MYOM1: variants seen among roughly 807,000 people sequenced by gnomAD.
MYOM1 encodes myomesin 1.
A neutral mutation model predicts 205.3 loss-of-function variants in MYOM1; 164 were observed. The observed-to-expected ratio is 0.80, with a 90% CI of 0.70 to 0.91. MYOM1 has a LOEUF of 0.91. Ranked by LOEUF, MYOM1 falls within the 40% of genes least tolerant of loss-of-function variation. The probability of loss-of-function intolerance (pLI) is 0.00; values close to 1 mark genes in which losing one functional copy is unlikely to be tolerated. For synonymous variants in MYOM1, 772 were observed against 789.4 expected (o/e 0.98, Z 0.37); for missense variants, 2,011 against 2,127.3 (o/e 0.95, Z 1.08).
the MYOM1 span, among the ~76,000 whole-genome samples, chr18:3,231,314 A>G: frequency 6.6e-6 from 1 of 152,220 alleles, no homozygotes; most frequent in Admixed American, 6.5e-5. Context: ...GAATCAGATG[A>G]GCCACAGCAT....
the MYOM1 span, among the ~76,000 whole-genome samples, chr18:3,226,944 C>T: frequency 4.6e-5 from 7 of 152,194 alleles, no homozygotes; most frequent in Non-Finnish European, 4.4e-5. This position sits in a 1 kb window ranked among gnomAD's most constrained non-coding sequence, Gnocchi z 4.6. Context: ...CCCTCTTAAC[C>T]TGCGTGTGAG....
At chr18:3,165,038 C>T (rs1054944388) in intron 9 of MYOM1, among the ~76,000 whole-genome samples, 1 of 152,110 alleles carries the variant, frequency 6.6e-6, no homozygotes, top group Non-Finnish European at 1.5e-5. Flanking sequence ...GACCTTTCTG[C>T]TGATGTAACT....
chr18:3,075,580 T>A (rs1317525197), intron 35 of MYOM1, 104 bp from the exon 36 acceptor site: 1 of 1,444,570 alleles, frequency 6.9e-7, no homozygotes, highest in African/African-American at 1.4e-5. Context: ...GACATTTTGC[T>A]GTTCAATATA....
chr18:3,116,261 T>C (rs1436948734), intron 21 of MYOM1, 70 bp downstream of exon 21: 2 of 1,481,130 alleles, frequency 1.4e-6, no homozygotes, highest in African/African-American at 1.4e-5. Flanking sequence ...CTGTTTTATC[T>C]TGCTAACTTT....
intron 31 of MYOM1, among the ~76,000 whole-genome samples, 178 bp from the exon 32 acceptor site, chr18:3,084,205 T>C (rs1308345061): frequency 6.6e-6 from 1 of 152,142 alleles, no homozygotes; most frequent in African/African-American, 2.4e-5. Context: ...TTTTATCAGG[T>C]TTTAAAAGAT....
intron 22 of MYOM1, among the ~76,000 whole-genome samples, chr18:3,111,245 G>A (rs1056742698): frequency 6.1e-5 from 8 of 130,534 alleles, no homozygotes; most frequent in Admixed American, 1.6e-4. Context: ...CCTGGCCTCC[G>A]GTGCTTTCCT....
chr18:3,144,738 A>G (rs1029171949), intron 13 of MYOM1, among the ~76,000 whole-genome samples: 3 of 152,218 alleles, frequency 2.0e-5, no homozygotes, highest in African/African-American at 7.2e-5. Flanking sequence ...AAAAGAAGTC[A>G]TGTTATAACA....
At chr18:3,158,815 T>C (rs2080339825) in intron 10 of MYOM1, among the ~76,000 whole-genome samples, 1 of 152,056 alleles carries the variant, frequency 6.6e-6, no homozygotes, top group Non-Finnish European at 1.5e-5. Flanking sequence ...GGTCTCACTG[T>C]GTTGCCCAGG....
At chr18:3,193,309 T>C (rs996295355) in intron 3 of MYOM1, among the ~76,000 whole-genome samples, 3 of 138,324 alleles carry the variant, frequency 2.2e-5, no homozygotes, top group African/African-American at 9.6e-5. Flanking sequence ...CATACATATA[T>C]ATATGTATAT....
At position 3,075,770 on chromosome 18, in the gene MYOM1, GA is replaced by G. The variant is rs766888225; in HGVS notation, c.4649-10del. 3 of 1,575,138 alleles carry G rather than the reference GA, an allele frequency of 1.9e-6. No individual in the cohort carries two copies. The highest frequency in any genetic ancestry group is 3.7e-5 in the Admixed American group (2 of 54,488). ...ATAGGCCTCATCGTATGCTTTAAAAGAAAAAAGAAAAGTTAGAATTTTCTCA... is the reference window on the plus strand; with the variant it reads ...ATAGGCCTCATCGTATGCTTTAAAAGAAAAAGAAAAGTTAGAATTTTCTCA... On this transcript the variant is annotated splice_polypyrimidine_tract_variant and intron_variant, in intron 34 of 37. Transcript: ENST00000356443.
chr18:3,144,155 G>A (rs563378026), intron 13 of MYOM1, among the ~76,000 whole-genome samples: 1 of 152,066 alleles, frequency 6.6e-6, no homozygotes, highest in Admixed American at 6.5e-5. Flanking sequence ...GCAGTGAGCC[G>A]AGACTGCAGC....
intron 19 of MYOM1, among the ~76,000 whole-genome samples, chr18:3,121,960 A>G (rs2079698591): frequency 6.6e-6 from 1 of 152,152 alleles, no homozygotes; most frequent in African/African-American, 2.4e-5. Context: ...TTCTTCTAAA[A>G]ATACAAAAAT....
At chr18:3,242,377 T>G in the MYOM1 span, among the ~76,000 whole-genome samples, 5 of 152,248 alleles carry the variant, frequency 3.3e-5, no homozygotes, top group African/African-American at 1.2e-4. Flanking sequence ...AGAGTTTCCC[T>G]GCATAAGCTC....
In MYOM1 at chr18:3,119,861, T is replaced by C. The variant is rs766540750; in HGVS notation, c.3118+8A>G. 1.3e-6 allele frequency: 2 copies of C among 1,596,554 alleles called. No individual in the cohort carries two copies. The highest frequency in any genetic ancestry group is 1.7e-6 in the Non-Finnish European group (2 of 1,169,054). On this transcript the variant is annotated splice_region_variant and intron_variant, in intron 20 of 37. Coordinates refer to ENST00000356443, the MANE Select transcript of MYOM1 (RefSeq NM_003803.4). ...GGTGCGGTGTGGAGGCAGGTGTCTG[T>C]GGTTTACCTGGGACGGCGATGGTCC...
At chr18:3,239,092 A>G in the MYOM1 span, among the ~76,000 whole-genome samples, 2 of 152,190 alleles carry the variant, frequency 1.3e-5, no homozygotes, top group African/African-American at 4.8e-5. Context: ...TAGGACAGGG[A>G]TATCTTTTGG....
At position 3,149,167 on chromosome 18, in the gene MYOM1, A is replaced by G. The variant is rs180916932; in HGVS notation, c.1878T>C (p.Ile626=). Reference sequence around the variant, plus strand: ...TACCTGAAGGTTCCTCTTCAGTAACAATGATCTGTCCAGTCCAGGGTGCTG... The same window carrying G: ...TACCTGAAGGTTCCTCTTCAGTAACGATGATCTGTCCAGTCCAGGGTGCTG... ...RPSAPWTGQI[I]VTEEEPSEGI... is the part of the protein sequence containing the mutation. The change falls in exon 13 of 38, where the codon ATT becomes ATC. Residue 626 remains isoleucine, a synonymous_variant. Coordinates refer to ENST00000356443, the MANE Select transcript of MYOM1 (RefSeq NM_003803.4). 974 of 1,613,938 alleles carry G rather than the reference A, an allele frequency of 6.0e-4. 5 individuals carry two copies. The African/African-American group carries it at 0.011, about 18-fold the overall frequency.
Position 3,191,100 on chromosome 18 carries a change from G to C in MYOM1, c.432-2013C>G, listed in dbSNP as rs141954244. Among the ~76,000 whole-genome samples, 1,437 of 152,278 alleles carry C rather than the reference G, an allele frequency of 9.4e-3. 16 individuals carry two copies. The highest frequency in any genetic ancestry group is 0.032 in the African/African-American group (1,345 of 41,544). ...TTATCAGTGATAACCCTTCTATAATGTGGACACAAAAGCAAAACTGTGAGG... is the reference window on the plus strand; with the variant it reads ...TTATCAGTGATAACCCTTCTATAATCTGGACACAAAAGCAAAACTGTGAGG... On this transcript the variant is annotated intron_variant, in intron 3 of 37. Coordinates refer to ENST00000356443, the MANE Select transcript of MYOM1 (RefSeq NM_003803.4).
intron 2 of MYOM1, among the ~76,000 whole-genome samples, chr18:3,204,286 C>T (rs2144220187): frequency 6.6e-6 from 1 of 152,020 alleles, no homozygotes; most frequent in Middle Eastern, 3.4e-3. Context: ...AGATGTAAAT[C>T]TACCTTTTGT....
Position 3,067,222 on chromosome 18 carries a change from C to A in MYOM1, c.*40G>T. 6.5e-7 allele frequency: 1 copy of A among 1,543,774 alleles called. No homozygotes were observed. ...CATCCTTAACCCAAACCATTCACACCCAAGTCACACAGGCCGGCTGGCTCT... is the reference window on the plus strand; with the variant it reads ...CATCCTTAACCCAAACCATTCACACACAAGTCACACAGGCCGGCTGGCTCT... On this transcript the variant is annotated 3_prime_UTR_variant, in exon 38 of 38. Coordinates refer to ENST00000356443, the MANE Select transcript of MYOM1 (RefSeq NM_003803.4).
Sources: allele counts gnomAD v4.1 joint callset (sites outside exome capture counted in the v4.1 genomes callset), GRCh38; gene constraint gnomAD v4.1.1; non-coding constraint Gnocchi (gnomAD v3.1); transcripts MANE v1.5; gene names NCBI Gene and HGNC (gene_info 2026-07-23, HGNC 2026-07-21).